Variants in CNTNAP2 observed in about 807,000 individuals in gnomAD.
CNTNAP2 encodes contactin associated protein 2.
CNTNAP2 carries 98 observed loss-of-function variants against 155.2 expected under a neutral mutation model. That is an observed-to-expected ratio of 0.63 (90% CI 0.54 to 0.75). The LOEUF (loss-of-function observed/expected upper bound fraction) is 0.75, where lower values mean the gene tolerates loss of function less well. Among genes scored for constraint, CNTNAP2 ranks in the 30% least tolerant of loss-of-function variants. The pLI is 0.00. For synonymous variants in CNTNAP2, 651 were observed against 631.2 expected, an observed-to-expected ratio of 1.03 and a Z score of -0.47; for missense variants, 1,727 against 1,688.1, an observed-to-expected ratio of 1.02 and a Z score of -0.40.
At chr7:146,262,637 G>A (rs2129081761) in intron 1 of CNTNAP2, among the ~76,000 whole-genome samples, 1 of 152,192 alleles carries the variant, frequency 6.6e-6, no homozygotes, top group African/African-American at 2.4e-5. Flanking sequence ...ATAACAAATA[G>A]ATTTCTTGAT....
intron 1 of CNTNAP2, among the ~76,000 whole-genome samples, chr7:146,622,153 A>ATATATATACACACACACG (rs1799330016): frequency 6.7e-6 from 1 of 148,940 alleles, no homozygotes; most frequent in African/African-American, 2.5e-5. Context: ...ACACACACGT[A>ATATATATACACACACACG]TATATATATA....
Position 147,241,540 on chromosome 7 carries a change from A to G in CNTNAP2, c.1349-58601A>G, listed in dbSNP as rs539654496. On this transcript the variant is annotated intron_variant, in intron 8 of 23. Coordinates refer to ENST00000361727, the MANE Select transcript of CNTNAP2 (RefSeq NM_014141.6). ...CTACTCAGGAGGCTAAGGCAGGAGA[A>G]TCTCTTGAACCCAGGAGGTGGAGCT... 2.0e-5 allele frequency among the ~76,000 whole-genome samples: 3 copies of G among 151,532 alleles called. No homozygotes were observed. The South Asian group carries it at 6.3e-4, about 32-fold the overall frequency.
chr7:146,718,744 C>T lies in CNTNAP2; in HGVS notation c.98-55527C>T, dbSNP rs114422447. ...CAGTTAATTACCTGCTACTGTGACTCCCTCTCCCATCACCAAGAAATCATA... is the reference window on the plus strand; with the variant it reads ...CAGTTAATTACCTGCTACTGTGACTTCCTCTCCCATCACCAAGAAATCATA... On this transcript the variant is annotated intron_variant, in intron 1 of 23. Coordinates refer to ENST00000361727, the MANE Select transcript of CNTNAP2 (RefSeq NM_014141.6). Among the ~76,000 whole-genome samples, 932 of 152,124 alleles carry T rather than the reference C, an allele frequency of 6.1e-3. 9 individuals are homozygous for T. Among genetic ancestry groups the T allele is most frequent in the African/African-American group, 0.021 (879 of 41,508 alleles).
intron 9 of CNTNAP2, among the ~76,000 whole-genome samples, chr7:147,320,469 A>C (rs968553221): frequency 2.0e-5 from 3 of 152,200 alleles, no homozygotes; most frequent in African/African-American, 7.2e-5. Flanking sequence ...TACCTATATT[A>C]ACCCTTTTTC....
At chr7:146,383,984 G>A (rs968222425) in intron 1 of CNTNAP2, among the ~76,000 whole-genome samples, 1 of 152,152 alleles carries the variant, frequency 6.6e-6, no homozygotes, top group African/African-American at 2.4e-5. Flanking sequence ...CTGTTTGTTA[G>A]CTGTAATGTA....
intron 1 of CNTNAP2, among the ~76,000 whole-genome samples, chr7:146,602,926 G>A (rs531014320): frequency 2.8e-5 from 4 of 143,734 alleles, no homozygotes; most frequent in Non-Finnish European, 6.2e-5. Flanking sequence ...CATCTCTTCC[G>A]TTATTCCCAG....
intron 15 of CNTNAP2, among the ~76,000 whole-genome samples, chr7:148,023,734 G>A (rs1358821685): frequency 2.6e-5 from 4 of 152,142 alleles, no homozygotes; most frequent in Non-Finnish European, 5.9e-5. Flanking sequence ...GATGCTGTTT[G>A]CTGTCCCTGG....
intron 1 of CNTNAP2, among the ~76,000 whole-genome samples, chr7:146,749,737 T>C (rs1437748241): frequency 6.6e-6 from 1 of 152,182 alleles, no homozygotes; most frequent in African/African-American, 2.4e-5. Context: ...TAAACAAATT[T>C]AATTGTGGTA....
intron 13 of CNTNAP2, among the ~76,000 whole-genome samples, chr7:147,695,767 ACTCCAG>A (rs1796152091): frequency 6.6e-6 from 1 of 152,178 alleles, no homozygotes; most frequent in African/African-American, 2.4e-5. Flanking sequence ...GTGCCACTGC[ACTCCAG>A]CCTGGGCCAC....
intron 1 of CNTNAP2, among the ~76,000 whole-genome samples, chr7:146,554,226 G>T (rs1309457393): frequency 1.3e-5 from 2 of 152,030 alleles, no homozygotes; most frequent in Non-Finnish European, 2.9e-5. Context: ...GCTTTAACTT[G>T]AACTAGTGAG....
intron 15 of CNTNAP2, among the ~76,000 whole-genome samples, chr7:148,009,889 C>T (rs12532290): frequency 0.53 from 80,067 of 151,846 alleles, 21,698 homozygotes; most frequent in Admixed American, 0.62. Flanking sequence ...TTTATTTTTG[C>T]AAATATGACT....
chr7:146,281,729 A>G (rs1274835673), intron 1 of CNTNAP2, among the ~76,000 whole-genome samples: 1 of 151,770 alleles, frequency 6.6e-6, no homozygotes, highest in Non-Finnish European at 1.5e-5. Context: ...CGGGAGGTGG[A>G]GGTTGCAGTG....
intron 12 of CNTNAP2, among the ~76,000 whole-genome samples, chr7:147,625,148 A>C (rs10269290): frequency 0.088 from 13,377 of 152,152 alleles, 1,623 homozygotes; most frequent in African/African-American, 0.25. Flanking sequence ...GGGATGGTTA[A>C]TAAGTACAAA....
intron 7 of CNTNAP2, among the ~76,000 whole-genome samples, chr7:147,130,606 T>C (rs1366653429): frequency 6.6e-6 from 1 of 152,156 alleles, no homozygotes; most frequent in African/African-American, 2.4e-5. Context: ...AAATCTTAGA[T>C]GGGATAGAGA....
At chr7:147,269,107 T>C (rs1296096156) in intron 8 of CNTNAP2, among the ~76,000 whole-genome samples, 1 of 152,182 alleles carries the variant, frequency 6.6e-6, no homozygotes, top group Non-Finnish European at 1.5e-5. Flanking sequence ...CGAGAACTCC[T>C]AGAACTCACG....
intron 8 of CNTNAP2, among the ~76,000 whole-genome samples, chr7:147,253,951 T>A (rs1804262686): frequency 6.6e-6 from 1 of 152,194 alleles, no homozygotes; most frequent in South Asian, 2.1e-4. Flanking sequence ...GTAAGTAACT[T>A]CCTCCAGCCC....
rs566798769 is a variant in CNTNAP2 at position 147,611,031 on chromosome 7, C to T, written c.1898-28075C>T. On this transcript the variant is annotated intron_variant, in intron 12 of 23. Transcript: ENST00000361727. ...CTGGGATTACAAGCATGAGCCACCA[C>T]GCCTGGCCCATTTAGCATATTTGAA... Among the ~76,000 whole-genome samples the T allele has an allele frequency of 6.6e-5, 10 of 152,194 alleles. No homozygotes were observed. The East Asian group carries it at 1.2e-3, about 18-fold the overall frequency.
At chr7:148,026,454 A>AAT (rs1164137371) in intron 15 of CNTNAP2, among the ~76,000 whole-genome samples, 1 of 152,024 alleles carries the variant, frequency 6.6e-6, no homozygotes, top group Non-Finnish European at 1.5e-5. Context: ...CCGTCTCAAA[A>AAT]ATATATATAT....
intron 14 of CNTNAP2, among the ~76,000 whole-genome samples, chr7:147,932,163 G>A (rs1312818330): frequency 1.3e-5 from 2 of 152,136 alleles, no homozygotes; most frequent in African/African-American, 4.8e-5. Context: ...GAAACTTACA[G>A]GCATGAGCCA....
Sources: allele counts gnomAD v4.1 joint callset (sites outside exome capture counted in the v4.1 genomes callset), GRCh38; gene constraint gnomAD v4.1.1; transcripts MANE v1.5; gene names NCBI Gene and HGNC (gene_info 2026-07-23, HGNC 2026-07-21).